Variants in EEF1E1 observed in about 807,000 individuals in gnomAD.
EEF1E1 encodes eukaryotic translation elongation factor 1 epsilon-1.
EEF1E1 carries 19 observed loss-of-function variants against 19.9 expected under a neutral mutation model. The observed-to-expected ratio is 0.95, with a 90% CI of 0.66 to 1.40. EEF1E1 has a LOEUF of 1.40. Ranked by LOEUF, EEF1E1 falls within the 40% of genes most tolerant of loss-of-function variation. The pLI, the probability that EEF1E1 is intolerant of heterozygous loss-of-function variation, is 0.00. For synonymous variants in EEF1E1, 81 were observed against 80.0 expected (o/e 1.01, Z -0.07); for missense variants, 198 against 202.2 (o/e 0.98, Z 0.13).
intron 2 of EEF1E1, among the ~76,000 whole-genome samples, chr6:8,092,645 A>G (rs1378458192): frequency 6.6e-6 from 1 of 152,216 alleles, no homozygotes; most frequent in Non-Finnish European, 1.5e-5. Flanking sequence ...CTTAAATTTT[A>G]TGGTACTCTG....
chr6:8,097,103 G>C (rs569321193), intron 2 of EEF1E1, among the ~76,000 whole-genome samples, 164 bp downstream of exon 2: 2 of 152,188 alleles, frequency 1.3e-5, no homozygotes, highest in South Asian at 4.1e-4. Flanking sequence ...GGGGCTGGTG[G>C]GGGGAACAGA....
At chr6:8,084,378 T>C (rs1042324261) in intron 3 of EEF1E1, among the ~76,000 whole-genome samples, 3 of 152,258 alleles carry the variant, frequency 2.0e-5, no homozygotes, top group African/African-American at 7.2e-5. Flanking sequence ...ATTATGACCT[T>C]ATTCATTCTG....
intron 2 of EEF1E1, among the ~76,000 whole-genome samples, chr6:8,091,874 C>T (rs1239580156): frequency 6.6e-6 from 1 of 152,202 alleles, no homozygotes; most frequent in East Asian, 1.9e-4. Context: ...TGTTCCGATT[C>T]TCAAATCACA....
downstream of EEF1E1, among the ~76,000 whole-genome samples, chr6:8,076,583 A>G (rs1022244870): frequency 2.0e-5 from 3 of 151,906 alleles, no homozygotes; most frequent in Admixed American, 6.6e-5. Context: ...TCGGCCTCCC[A>G]AAGTGCTGGG....
chr6:8,100,161 G>C (rs554531551), intron 1 of EEF1E1, among the ~76,000 whole-genome samples: 1 of 152,232 alleles, frequency 6.6e-6, no homozygotes, highest in East Asian at 1.9e-4. Flanking sequence ...CTCTGAACTC[G>C]GAAGTCTTCA....
chr6:8,078,631 T>G, downstream of EEF1E1: 1 of 1,214,238 alleles, frequency 8.2e-7, no homozygotes, highest in Non-Finnish European at 1.0e-6. Flanking sequence ...GAGGCATGCC[T>G]GTGCCCACAC....
In EEF1E1 at chr6:8,098,068, T is replaced by A. The variant is rs929559829; in HGVS notation, c.88-601A>T. Among the ~76,000 whole-genome samples, 4 of 144,004 alleles carry A rather than the reference T, an allele frequency of 2.8e-5. No individual in the cohort carries two copies. In the East Asian group the frequency reaches 5.8e-4, roughly 21 times the overall value. 94.5% of individuals were successfully genotyped at this position (144,004 alleles called of 152,430 possible). On this transcript the variant is annotated intron_variant, in intron 1 of 3. Transcript: ENST00000379715. ...TGACTTAAGTAAATGAAAAAAGAAT[T>A]GTTTTTTTGGGAAGACTGCTGCTCT... is the stretch of plus-strand genomic sequence containing the variant.
chr6:8,079,999 T>C lies in EEF1E1; in HGVS notation c.416A>G (p.Tyr139Cys), dbSNP rs755444482. The C allele has an allele frequency of 4.3e-6, 7 of 1,613,680 alleles. No individual in the cohort carries two copies. The highest frequency in any genetic ancestry group is 5.9e-6 in the Non-Finnish European group (7 of 1,179,906). The part of the protein sequence containing the change: ...VDLTVQEKEK[Y>C]LNVSRWFCHI... ...ACAAAACCAGCGAGACACATTAAGA[T>C]ATTTCTCCTTTTCTTGAACTGTCAG... Residue 139 changes from tyrosine to cysteine, a missense_variant, in exon 4 of 4, where the codon TAT becomes TGT. Tyr to Cys is a radical substitution (Grantham distance 194). Transcript: ENST00000379715.
At position 8,102,415 on chromosome 6, in the gene EEF1E1, G is replaced by A. The variant is rs1241018634; in HGVS notation, c.87+20C>T. ...CGCTCCCGTCCACCTCTTCCCCTCC[G>A]CGCCGCCTCTCCTTCTCACCTGTCG... On this transcript the variant is annotated intron_variant, in intron 1 of 3. Coordinates refer to ENST00000379715, the MANE Select transcript of EEF1E1 (RefSeq NM_004280.5). The A allele has an allele frequency of 6.2e-7, 1 of 1,604,806 alleles. No individual in the cohort carries two copies. The highest frequency in any genetic ancestry group is 2.3e-5 in the East Asian group (1 of 44,140).
intron 2 of EEF1E1, among the ~76,000 whole-genome samples, chr6:8,096,724 A>G (rs148812845): frequency 2.0e-4 from 30 of 152,274 alleles, no homozygotes; most frequent in African/African-American, 7.0e-4. Flanking sequence ...TATTCTTGGT[A>G]ACTCTGAAGC....
chr6:8,082,387 C>G (rs898845810), intron 3 of EEF1E1, among the ~76,000 whole-genome samples: 1 of 152,192 alleles, frequency 6.6e-6, no homozygotes, highest in Non-Finnish European at 1.5e-5. Context: ...AAGCGATTCT[C>G]CTGCCTCAGC....
chr6:8,102,098 A>G, intron 1 of EEF1E1: 3 of 1,244,666 alleles, frequency 2.4e-6, no homozygotes, highest in Non-Finnish European at 3.1e-6. Flanking sequence ...GAAAAAAAAA[A>G]AAGCCAGTTA....
chr6:8,093,735 A>G (rs1758086522), intron 2 of EEF1E1, among the ~76,000 whole-genome samples: 1 of 152,258 alleles, frequency 6.6e-6, no homozygotes, highest in South Asian at 2.1e-4. Context: ...ATTTTTAAAA[A>G]TAATAAAATA....
chr6:8,074,361 T>C (rs1036165465), intron 3 of EEF1E1, among the ~76,000 whole-genome samples: 9 of 152,194 alleles, frequency 5.9e-5, no homozygotes, highest in Non-Finnish European at 1.0e-4. Flanking sequence ...TCAAAAGGAA[T>C]GTACTGAGCT....
At position 8,079,600 on chromosome 6, in the gene EEF1E1, T is replaced by C; in HGVS notation, c.*290A>G. On this transcript the variant is annotated 3_prime_UTR_variant, in exon 4 of 4. Transcript: ENST00000379715. ...ATTGAAATGACCACCAATTTTAAGA[T>C]TAAGCCCGATTTGCAACTTTTATTG... is the stretch of plus-strand genomic sequence containing the variant. 1 of 1,068,996 alleles carries C rather than the reference T, an allele frequency of 9.4e-7. No individual in the cohort carries two copies. The highest frequency in any genetic ancestry group is 1.1e-6 in the Non-Finnish European group (1 of 881,052). 66.2% of individuals were successfully genotyped at this position (1,068,996 alleles called of 1,614,324 possible).
chr6:8,085,201 C>T (rs1757819711), intron 3 of EEF1E1, among the ~76,000 whole-genome samples: 1 of 152,138 alleles, frequency 6.6e-6, no homozygotes, highest in African/African-American at 2.4e-5. Flanking sequence ...GGCTGGAATG[C>T]AGTGGTGCAA....
In EEF1E1 at chr6:8,090,186, T is replaced by G. The variant is rs760978113; in HGVS notation, c.384A>C (p.Ile128=). 1.3e-5 allele frequency: 20 copies of G among 1,526,756 alleles called. No homozygotes were observed. Among genetic ancestry groups the G allele is most frequent in the Non-Finnish European group, 1.7e-5 (20 of 1,143,520 alleles). 94.6% of individuals were successfully genotyped at this position (1,526,756 alleles called of 1,614,324 possible). ...AGCCAGTAACTATACAAATACTCAC[T>G]ATAAAGCGATGAAGTCCATAGTACA... ...ILLYYGLHRF[I]VDLTVQEKEK... The change falls in exon 3 of 4, where the codon ATA becomes ATC. Residue 128 remains isoleucine, a splice_region_variant and synonymous_variant. Transcript: ENST00000379715.
At chr6:8,077,394 G>A (rs531316181), downstream of EEF1E1, among the ~76,000 whole-genome samples, 12 of 152,276 alleles carry the variant, frequency 7.9e-5, no homozygotes, top group South Asian at 1.9e-3. Context: ...GACTTCTCTC[G>A]AGCCATGGAA....
chr6:8,078,128 G>T (rs1757640917), downstream of EEF1E1, among the ~76,000 whole-genome samples: 1 of 152,182 alleles, frequency 6.6e-6, no homozygotes, highest in Admixed American at 6.5e-5. Context: ...TTGGCTGTTT[G>T]GTGCAAGAGG....
Sources: allele counts gnomAD v4.1 joint callset (sites outside exome capture counted in the v4.1 genomes callset), GRCh38; gene constraint gnomAD v4.1.1; transcripts MANE v1.5; gene names NCBI Gene and HGNC (gene_info 2026-07-23, HGNC 2026-07-21).